Variants in ATP12A observed in about 807,000 individuals in gnomAD.
The protein encoded by ATP12A is ATPase H+/K+ transporting non-gastric alpha2 subunit.
In ATP12A, 81 loss-of-function variants were observed where a neutral mutation model predicts 111.2. The ratio of observed to expected loss-of-function variants is 0.73; its 90% CI spans 0.61 to 0.88. The LOEUF is 0.88. Ranked by LOEUF, ATP12A falls within the 40% of genes least tolerant of loss-of-function variation. The probability of loss-of-function intolerance (pLI) is 0.00; values close to 1 mark genes in which losing one functional copy is unlikely to be tolerated. For synonymous variants in ATP12A, 498 were observed against 499.8 expected (o/e 1.00, Z 0.05); for missense variants, 1,196 against 1,313.1 (o/e 0.91, Z 1.38).
At position 24,711,474 on chromosome 13, in the gene ATP12A, A is replaced by G; in HGVS notation, c.3092-20A>G. On this transcript the variant is annotated intron_variant, in intron 22 of 22. Coordinates refer to ENST00000381946, the MANE Select transcript of ATP12A (RefSeq NM_001676.7). Reference sequence around the variant, plus strand: ...TCAACAGACTCTCCATTTCTGATGTACTTTTTTCTACCTCTACAGGCTGGT... The same window carrying G: ...TCAACAGACTCTCCATTTCTGATGTGCTTTTTTCTACCTCTACAGGCTGGT... 1 of 1,614,074 alleles carries G rather than the reference A, an allele frequency of 6.2e-7. No homozygotes were observed. Among genetic ancestry groups the G allele is most frequent in the Non-Finnish European group, 8.5e-7 (1 of 1,180,020 alleles).
rs922381314 is a variant in ATP12A, at chr13:24,702,082, G to T, written c.2018+11G>T. On this transcript the variant is annotated intron_variant, in intron 14 of 22. Transcript: ENST00000381946. ...GCAAGTTAACAAACGGTAAGCACAG[G>T]AGCAGCATAGTAAAAATTCCAGTTT... The T allele has an allele frequency of 6.2e-7, 1 of 1,614,136 alleles. No individual in the cohort carries two copies. Among genetic ancestry groups the T allele is most frequent in the Non-Finnish European group, 8.5e-7 (1 of 1,180,020 alleles).
rs146486002 is a variant in ATP12A at position 24,706,437 on chromosome 13, A to G, written c.2143A>G (p.Ile715Val). The change falls in exon 15 of 23, where the codon ATC becomes GTC. Residue 715 changes from isoleucine (I) to valine (V), a missense_variant. Coordinates refer to ENST00000381946, the MANE Select transcript of ATP12A (RefSeq NM_001676.7). ...FARTSPQQKL[I>V]IVEGCQRQDA... ...CCGGACATCCCCCCAGCAGAAGCTG[A>G]TCATTGTGGAGGGCTGTCAGAGGCA... 70 of 1,614,042 alleles carry G rather than the reference A, an allele frequency of 4.3e-5. No individual in the cohort carries two copies. The highest frequency in any genetic ancestry group is 5.8e-5 in the Non-Finnish European group (69 of 1,180,004).
At chr13:24,699,974 T>C (rs1875322345) in intron 12 of ATP12A, among the ~76,000 whole-genome samples, 1 of 152,222 alleles carries the variant, frequency 6.6e-6, no homozygotes, top group Non-Finnish European at 1.5e-5. Context: ...TAACCCACAG[T>C]ACCGGGTATT....
chr13:24,691,251 G>C lies in ATP12A; in HGVS notation c.1068+1G>C, dbSNP rs1874891954. 6.2e-7 allele frequency: 1 copy of C among 1,609,880 alleles called. No homozygotes were observed. The highest frequency in any genetic ancestry group is 8.5e-7 in the Non-Finnish European group (1 of 1,178,468). On this transcript the variant is annotated splice_donor_variant, in intron 8 of 22. Transcript: ENST00000381946. LOFTEE classifies it high-confidence loss of function. ...CGAGGGCCTCCTGGCCACTGTCACT[G>C]TGAGTCCATGCTGTTAGACAGCCTG...
chr13:24,710,774 C>A lies in ATP12A; in HGVS notation c.2898-18C>A. 1 of 1,612,980 alleles carries A rather than the reference C, an allele frequency of 6.2e-7. No individual in the cohort carries two copies. On this transcript the variant is annotated intron_variant, in intron 20 of 22. Coordinates refer to ENST00000381946, the MANE Select transcript of ATP12A (RefSeq NM_001676.7). Reference sequence around the variant, plus strand: ...GCCACAAGAATCCCAAGTCTGTCTGCTTTTGTGTGTCTTGCAGAAATAAAG... The same window carrying A: ...GCCACAAGAATCCCAAGTCTGTCTGATTTTGTGTGTCTTGCAGAAATAAAG...
At chr13:24,693,010 T>A in intron 10 of ATP12A, 114 bp downstream of exon 10, 1 of 970,654 alleles carries the variant, frequency 1.0e-6, no homozygotes, top group Non-Finnish European at 1.6e-6. Flanking sequence ...GTTCAGTGCT[T>A]GCAAGAGCAA....
At chr13:24,708,938 A>AAAGAAAGAAAGAAAGAAAGG (rs1875812419) in intron 17 of ATP12A, among the ~76,000 whole-genome samples, 2 of 123,416 alleles carry the variant, frequency 1.6e-5, no homozygotes, top group African/African-American at 2.9e-5. Flanking sequence ...AGAAAGAAAG[A>AAAGAAAGAAAGAAAGAAAGG]AAGAAAGAAA....
intron 3 of ATP12A, among the ~76,000 whole-genome samples, chr13:24,687,885 A>G (rs1255529024): frequency 6.6e-6 from 1 of 152,052 alleles, no homozygotes; most frequent in Non-Finnish European, 1.5e-5. Flanking sequence ...CACCGGATAA[A>G]CCTCTAAGAA....
intron 3 of ATP12A, 142 bp from the exon 4 acceptor site, chr13:24,688,177 G>A: frequency 1.2e-6 from 1 of 857,528 alleles, no homozygotes; most frequent in Non-Finnish European, 1.8e-6. Flanking sequence ...GTGAGGCACG[G>A]TCTGCTTTTC....
At chr13:24,698,998 A>C (rs1875286507) in intron 12 of ATP12A, 148 bp downstream of exon 12, 1 of 1,073,064 alleles carries the variant, frequency 9.3e-7, no homozygotes. Context: ...GAACAAGGAG[A>C]GGATGCTGTG....
At chr13:24,690,793 C>T (rs1469255577) in intron 7 of ATP12A, 72 bp downstream of exon 7, 4 of 1,485,042 alleles carry the variant, frequency 2.7e-6, no homozygotes, top group Admixed American at 1.9e-5. Flanking sequence ...TCAGGTCTGT[C>T]CTTTGCCACA....
intron 3 of ATP12A, 68 bp from the exon 4 acceptor site, chr13:24,688,251 C>A: frequency 6.6e-7 from 1 of 1,521,172 alleles, no homozygotes; most frequent in South Asian, 1.3e-5. Context: ...AGCCCAACCC[C>A]TGAGGGAGGA....
Position 24,680,648 on chromosome 13 carries a change from C to T in ATP12A, c.-96C>T. 7.0e-7 allele frequency: 1 copy of T among 1,425,162 alleles called. No homozygotes were observed. Among genetic ancestry groups the T allele is most frequent in the Non-Finnish European group, 9.4e-7 (1 of 1,067,756 alleles). 88.3% of individuals were successfully genotyped at this position (1,425,162 alleles called of 1,614,324 possible). A position where few individuals can be genotyped will look rare whatever the true frequency, so the allele number is the denominator to read the frequency against. ...ACCGCCAACACCTCAGCCACTGCCACTGCCACAGCCACACGAGGCCCCCCA... is the reference window on the plus strand; with the variant it reads ...ACCGCCAACACCTCAGCCACTGCCATTGCCACAGCCACACGAGGCCCCCCA... On this transcript the variant is annotated 5_prime_UTR_variant, in exon 1 of 23. Transcript: ENST00000381946.
At chr13:24,700,722 A>G (rs1875354406) in intron 12 of ATP12A, 25 bp from the exon 13 acceptor site, 4 of 1,594,686 alleles carry the variant, frequency 2.5e-6, no homozygotes, top group South Asian at 1.1e-5. Context: ...AGTTTCACTG[A>G]CTCACTAATT....
Position 24,692,560 on chromosome 13 carries a change from G to A in ATP12A, c.1200G>A (p.Arg400=). ...SDKTGTLTQN[R]MTVAHLWFDN... is the part of the protein sequence containing the mutation. ...AGACTGGGACACTGACCCAGAACAG[G>A]ATGACAGTGGCCCATCTGTGGTTCG... Residue 400 remains arginine (R), a synonymous_variant, in exon 9 of 23, where the codon AGG becomes AGA. Coordinates refer to ENST00000381946, the MANE Select transcript of ATP12A (RefSeq NM_001676.7). 2 of 1,614,182 alleles carry A rather than the reference G, an allele frequency of 1.2e-6. No individual in the cohort carries two copies. Among genetic ancestry groups the A allele is most frequent in the East Asian group, 2.2e-5 (1 of 44,880 alleles).
intron 10 of ATP12A, 99 bp downstream of exon 10, chr13:24,692,995 A>T: frequency 8.8e-7 from 1 of 1,140,656 alleles, no homozygotes; most frequent in Non-Finnish European, 1.3e-6. Context: ...AGTTGCTTAA[A>T]GTTTGTTCAG....
At chr13:24,696,605 G>T (rs530117214) in intron 11 of ATP12A, among the ~76,000 whole-genome samples, 1 of 126,412 alleles carries the variant, frequency 7.9e-6, no homozygotes, top group Non-Finnish European at 1.7e-5. Context: ...CCAGCTACTC[G>T]GGAGGCTGAG....
chr13:24,703,327 C>G (rs1295453446), intron 14 of ATP12A, among the ~76,000 whole-genome samples: 1 of 152,336 alleles, frequency 6.6e-6, no homozygotes, highest in Non-Finnish European at 1.5e-5. Flanking sequence ...ACTGCAATCT[C>G]CACCTCCTGG....
At position 24,686,556 on chromosome 13, in the gene ATP12A, C is replaced by T. The variant is rs1374439621; in HGVS notation, c.228+1183C>T. On this transcript the variant is annotated intron_variant, in intron 3 of 22. Coordinates refer to ENST00000381946, the MANE Select transcript of ATP12A (RefSeq NM_001676.7). ...GAGATCGAGACCATCCTGGCTAACACGGTGAAACCCCGTCTCTACTAAAAA... is the reference window on the plus strand; with the variant it reads ...GAGATCGAGACCATCCTGGCTAACATGGTGAAACCCCGTCTCTACTAAAAA... Among the ~76,000 whole-genome samples the T allele has an allele frequency of 4.0e-5, 6 of 151,106 alleles. No individual in the cohort carries two copies. The South Asian group carries it at 8.4e-4, about 21-fold the overall frequency.
Sources: allele counts gnomAD v4.1 joint callset (sites outside exome capture counted in the v4.1 genomes callset), GRCh38; gene constraint gnomAD v4.1.1; transcripts MANE v1.5; gene names NCBI Gene and HGNC (gene_info 2026-07-23, HGNC 2026-07-21).